The following ZYG11B variants were observed in gnomAD, a reference collection of about 807,000 sequenced individuals.
ZYG11B encodes protein zyg-11 homolog B.
Under a neutral mutation model 82.4 loss-of-function variants are expected in ZYG11B, and 36 were observed. The ratio of observed to expected loss-of-function variants is 0.44; its 90% CI spans 0.33 to 0.58. The LOEUF is 0.58. Ranked by LOEUF, ZYG11B falls within the 20% of genes least tolerant of loss-of-function variation. The probability of loss-of-function intolerance (pLI) is 0.02; values close to 1 mark genes in which losing one functional copy is unlikely to be tolerated. For synonymous variants in ZYG11B, 303 were observed against 312.8 expected, an observed-to-expected ratio of 0.97 and a Z score of 0.33; for missense variants, 552 against 895.6, an observed-to-expected ratio of 0.62 and a Z score of 4.90.
intron 1 of ZYG11B, among the ~76,000 whole-genome samples, chr1:52,747,174 C>A (rs1178334910): frequency 6.6e-6 from 1 of 152,058 alleles, no homozygotes; most frequent in Non-Finnish European, 1.5e-5. Context: ...TTTGAAAGAA[C>A]ACTTGCCTGT....
At chr1:52,755,226 G>T (rs748764390) in intron 1 of ZYG11B, among the ~76,000 whole-genome samples, 3 of 152,052 alleles carry the variant, frequency 2.0e-5, no homozygotes, top group Admixed American at 6.6e-5. Context: ...CTCCCAAAGT[G>T]CTGGGATTAC....
At chr1:52,741,315 A>AAAAAAAAAAG (rs1553257617) in intron 1 of ZYG11B, among the ~76,000 whole-genome samples, 107 of 142,590 alleles carry the variant, frequency 7.5e-4, no homozygotes, top group East Asian at 3.1e-3. Context: ...AAAAAAAAAA[A>AAAAAAAAAAG]AAAAGAAAAG....
intron 2 of ZYG11B, among the ~76,000 whole-genome samples, chr1:52,766,412 T>G (rs1260664385): frequency 6.6e-6 from 1 of 152,188 alleles, no homozygotes; most frequent in Admixed American, 6.5e-5. Context: ...TTACTCATTT[T>G]TTTTCAAGCA....
At chr1:52,791,207 A>G (rs1275998831) in intron 6 of ZYG11B, among the ~76,000 whole-genome samples, 1 of 152,052 alleles carries the variant, frequency 6.6e-6, no homozygotes, top group Non-Finnish European at 1.5e-5. Flanking sequence ...TCCTGACCTC[A>G]AGTAATCCAC....
rs374884229 is a variant in ZYG11B at position 52,756,688 on chromosome 1, A to G, written c.196+65A>G. 184 of 1,470,146 alleles carry G rather than the reference A, an allele frequency of 1.3e-4. No homozygotes were observed. The African/African-American group carries it at 2.2e-3, about 17-fold the overall frequency. 91.1% of individuals were successfully genotyped at this position (1,470,146 alleles called of 1,614,324 possible). A position where few individuals can be genotyped will look rare whatever the true frequency, so the allele number is the denominator to read the frequency against. ...TAATTAGATTTGATTTTGAAGTGCT[A>G]CAGTAGCCATTTAATTATTTTCTTA... On this transcript the variant is annotated intron_variant, in intron 2 of 13. Transcript: ENST00000294353.
At chr1:52,790,174 T>C (rs1330881368) in intron 6 of ZYG11B, 107 bp downstream of exon 6, 2 of 662,092 alleles carry the variant, frequency 3.0e-6, no homozygotes, top group South Asian at 3.7e-5. Context: ...ATTAATTGAA[T>C]AGATAGAATT....
intron 1 of ZYG11B, among the ~76,000 whole-genome samples, chr1:52,741,973 C>A (rs1644434723): frequency 6.6e-6 from 1 of 152,098 alleles, no homozygotes; most frequent in Non-Finnish European, 1.5e-5. Context: ...AGAAAGATAT[C>A]CATAAAAAAT....
intron 1 of ZYG11B, among the ~76,000 whole-genome samples, chr1:52,739,214 T>G (rs1431848746): frequency 6.7e-6 from 1 of 149,380 alleles, no homozygotes; most frequent in Non-Finnish European, 1.5e-5. Context: ...CTTGAACTCT[T>G]GACCTCGGGT....
intron 1 of ZYG11B, among the ~76,000 whole-genome samples, chr1:52,747,393 C>T (rs1028989500): frequency 6.6e-6 from 1 of 151,772 alleles, no homozygotes; most frequent in Non-Finnish European, 1.5e-5. Flanking sequence ...TAGTTAGTCC[C>T]AAGTTGTATT....
intron 2 of ZYG11B, among the ~76,000 whole-genome samples, chr1:52,767,303 T>TTTATGTTATGTTATA (rs1558126630): frequency 1.0e-3 from 5 of 4,880 alleles, no homozygotes; most frequent in African/African-American, 1.6e-3. Context: ...GTTATTTTAT[T>TTTATGTTATGTTATA]TTATGTTATG....
At chr1:52,797,172 AT>A (rs1645025098) in intron 8 of ZYG11B, among the ~76,000 whole-genome samples, 1 of 68,938 alleles carries the variant, frequency 1.5e-5, no homozygotes, top group Non-Finnish European at 2.2e-5. Flanking sequence ...ATTATATATT[AT>A]ATATATTTAT....
chr1:52,773,221 C>T (rs1461752666), intron 3 of ZYG11B, among the ~76,000 whole-genome samples: 1 of 151,900 alleles, frequency 6.6e-6, no homozygotes, highest in African/African-American at 2.4e-5. Context: ...CACCTATAAT[C>T]CCAACACTTT....
At chr1:52,730,155 C>T (rs1644317851) in intron 1 of ZYG11B, among the ~76,000 whole-genome samples, 1 of 152,032 alleles carries the variant, frequency 6.6e-6, no homozygotes, top group South Asian at 2.1e-4. Flanking sequence ...GGTCTGTGAA[C>T]CACAATTTGA....
intron 1 of ZYG11B, among the ~76,000 whole-genome samples, chr1:52,733,480 C>G (rs1644351327): frequency 6.6e-6 from 1 of 151,824 alleles, no homozygotes; most frequent in South Asian, 2.1e-4. Context: ...TCGAGACCAG[C>G]CTGGACAAGA....
At chr1:52,811,149 G>A (rs913674241) in intron 10 of ZYG11B, among the ~76,000 whole-genome samples, 5 of 151,490 alleles carry the variant, frequency 3.3e-5, no homozygotes, top group Non-Finnish European at 7.4e-5. Flanking sequence ...TCTCACTCAC[G>A]TGTTGTTTAC....
chr1:52,744,122 A>T (rs1644457190), intron 1 of ZYG11B, among the ~76,000 whole-genome samples: 1 of 151,998 alleles, frequency 6.6e-6, no homozygotes, highest in Admixed American at 6.6e-5. Flanking sequence ...TTTTTAGTAG[A>T]GATGGGGTTT....
At chr1:52,784,116 C>T (rs910564184) in intron 4 of ZYG11B, among the ~76,000 whole-genome samples, 3 of 152,018 alleles carry the variant, frequency 2.0e-5, no homozygotes, top group African/African-American at 7.2e-5. Flanking sequence ...TTCAGCCTCC[C>T]GAGTAGCTGG....
chr1:52,792,807 C>G (rs1294683174), intron 6 of ZYG11B, among the ~76,000 whole-genome samples: 1 of 152,148 alleles, frequency 6.6e-6, no homozygotes, highest in Non-Finnish European at 1.5e-5. Context: ...ATTTAATCCT[C>G]ATGACAACCC....
At chr1:52,740,271 A>C (rs566714345) in intron 1 of ZYG11B, among the ~76,000 whole-genome samples, 45 of 152,320 alleles carry the variant, frequency 3.0e-4, no homozygotes, top group African/African-American at 1.0e-3. Flanking sequence ...GTTAGATGAA[A>C]GAGCAGGGCA....
Sources: gnomAD v4.1 joint callset for allele counts (sites outside exome capture counted in the v4.1 genomes callset) on GRCh38, gnomAD v4.1.1 for gene constraint, MANE v1.5 for transcripts, NCBI Gene and HGNC (gene_info 2026-07-23, HGNC 2026-07-21) for gene names.